The following CACNA1C variants were observed in gnomAD, a reference collection of about 807,000 sequenced individuals.
CACNA1C encodes voltage-dependent L-type calcium channel subunit alpha-1C.
In CACNA1C, 30 loss-of-function variants were observed where a neutral mutation model predicts 229.0. The ratio of observed to expected loss-of-function variants is 0.13; its 90% CI spans 0.10 to 0.18. The LOEUF is 0.18. CACNA1C is among the 10% of genes least tolerant of loss of function. CACNA1C has a pLI of 1.00. For synonymous variants in CACNA1C, 1,114 were observed against 1,132.5 expected, an observed-to-expected ratio of 0.98 and a Z score of 0.33; for missense variants, 1,658 against 2,845.0, an observed-to-expected ratio of 0.58 and a Z score of 9.49.
rs200706151 is a variant in CACNA1C, at chr12:2,677,238, G to A, written c.4956+17G>A. 2,481 of 1,612,266 alleles carry A rather than the reference G, an allele frequency of 1.5e-3. No homozygotes were observed. The highest frequency in any genetic ancestry group is 2.0e-3 in the Non-Finnish European group (2,313 of 1,179,172). The stretch of plus-strand genomic sequence containing the variant: ...TCTCTGCAGGTGAGGGCCTGGGGGC[G>A]GGCCCACACTCCAGGAAGGTCCTGG... On this transcript the variant is annotated intron_variant, in intron 40 of 46. Transcript: ENST00000399655. The surrounding 1 kb of genome is among the most constrained non-coding windows in gnomAD (Gnocchi z 7.4).
rs1002155534 is a variant in CACNA1C, at chr12:2,488,381, G to T, written c.916+2119G>T. 6.6e-6 allele frequency among the ~76,000 whole-genome samples: 1 copy of T among 152,148 alleles called. No individual in the cohort carries two copies. The highest frequency in any genetic ancestry group is 1.9e-4 in the East Asian group (1 of 5,178). ...GAAAGCATGGCACGGGGAGGGAGCCGTCCTGAAGGCCATAGCCGTAGGGCC... is the reference window on the plus strand; with the variant it reads ...GAAAGCATGGCACGGGGAGGGAGCCTTCCTGAAGGCCATAGCCGTAGGGCC... On this transcript the variant is annotated intron_variant, in intron 6 of 46. Transcript: ENST00000399655. This position sits in a 1 kb window ranked among gnomAD's most constrained non-coding sequence, Gnocchi z 4.0.
At chr12:2,445,059 C>T (rs1169849638) in intron 3 of CACNA1C, among the ~76,000 whole-genome samples, 3 of 152,188 alleles carry the variant, frequency 2.0e-5, no homozygotes, top group Admixed American at 6.5e-5. Flanking sequence ...AACACCCTCA[C>T]TCCAGCCAAA....
chr12:2,012,615 T>C (rs949786441), intron 1 of CACNA1C, among the ~76,000 whole-genome samples: 2 of 152,236 alleles, frequency 1.3e-5, no homozygotes, highest in Non-Finnish European at 2.9e-5. Context: ...CACAATAGAT[T>C]GGAAGCCCAG....
chr12:2,246,029 C>T (rs186003009), intron 3 of CACNA1C, among the ~76,000 whole-genome samples: 15 of 152,276 alleles, frequency 9.9e-5, no homozygotes, highest in East Asian at 5.8e-4. Flanking sequence ...TAACTTTGTG[C>T]GTGGTACACC....
At chr12:2,394,923 C>G (rs2098545601) in intron 3 of CACNA1C, among the ~76,000 whole-genome samples, 1 of 152,204 alleles carries the variant, frequency 6.6e-6, no homozygotes, top group Non-Finnish European at 1.5e-5. Flanking sequence ...AATTAGGATC[C>G]AAATTCTTCA....
chr12:2,273,281 A>G (rs1370655019), intron 3 of CACNA1C, among the ~76,000 whole-genome samples: 1 of 152,128 alleles, frequency 6.6e-6, no homozygotes, highest in Non-Finnish European at 1.5e-5. Context: ...TACTGTTTTC[A>G]TTTACTGGTA....
chr12:2,162,398 T>C (rs1398081782), intron 3 of CACNA1C, among the ~76,000 whole-genome samples: 1 of 151,814 alleles, frequency 6.6e-6, no homozygotes. Flanking sequence ...GCCTTCCACA[T>C]GGAGGCTGAG....
rs185905422 is a variant in CACNA1C at position 2,027,216 on chromosome 12, G to T, written c.139+56015G>T. 1.6e-3 allele frequency among the ~76,000 whole-genome samples: 249 copies of T among 152,306 alleles called. 1 individual carries two copies. Among genetic ancestry groups the T allele is most frequent in the African/African-American group, 5.4e-3 (225 of 41,574 alleles). Reference sequence around the variant, plus strand: ...TTGGGTGGCATATACCACCCAAATGGCAGAGCAAGGGGGTTTAGGAGAATG... The same window carrying T: ...TTGGGTGGCATATACCACCCAAATGTCAGAGCAAGGGGGTTTAGGAGAATG... On this transcript the variant is annotated intron_variant, in intron 1 of 46. Transcript: ENST00000682462.
intron 11 of CACNA1C, among the ~76,000 whole-genome samples, chr12:2,562,313 G>A (rs765325529): frequency 2.0e-5 from 3 of 152,150 alleles, no homozygotes; most frequent in East Asian, 1.9e-4. Context: ...TCTACATACC[G>A]CAAAGAAAGC....
At chr12:1,992,924 A>G (rs965785428) in intron 1 of CACNA1C, 30 of 572,358 alleles carry the variant, frequency 5.2e-5, no homozygotes, top group Non-Finnish European at 8.0e-5. Flanking sequence ...TCAGGGAGCC[A>G]CCTATGTGTG....
intron 3 of CACNA1C, among the ~76,000 whole-genome samples, chr12:2,303,378 C>T (rs900799348): frequency 5.3e-5 from 8 of 152,132 alleles, no homozygotes; most frequent in African/African-American, 1.2e-4. Context: ...TCCCTCTGTG[C>T]GTCCGTGTTC....
chr12:2,486,373 T>G lies in CACNA1C; in HGVS notation c.916+111T>G. 1.2e-6 allele frequency: 1 copy of G among 822,608 alleles called. No homozygotes were observed. The highest frequency in any genetic ancestry group is 1.9e-6 in the Non-Finnish European group (1 of 536,718). The allele number at this position is 822,608 out of a possible 1,614,324, so 51.0% of individuals were successfully genotyped here. A position where few individuals can be genotyped will look rare whatever the true frequency, so the allele number is the denominator to read the frequency against. ...CCAGCAGAGCCCAGGGAAGGCCCCA[T>G]TCATTCAGACACACACTGGGCATGG... On this transcript the variant is annotated intron_variant, in intron 6 of 46. Coordinates refer to ENST00000399655, the MANE Select transcript of CACNA1C (RefSeq NM_000719.7). This position sits in a 1 kb window ranked among gnomAD's most constrained non-coding sequence, Gnocchi z 4.9.
At chr12:2,231,311 T>A (rs538395291) in intron 3 of CACNA1C, among the ~76,000 whole-genome samples, 7 of 152,354 alleles carry the variant, frequency 4.6e-5, no homozygotes, top group Non-Finnish European at 7.3e-5. Context: ...ATTTCTAACG[T>A]TAAATGGATG....
In CACNA1C at chr12:2,275,405, GCA is replaced by G. The variant is rs569385528; in HGVS notation, c.477+154978_477+154979del. Among the ~76,000 whole-genome samples the G allele has an allele frequency of 2.6e-3, 395 of 152,244 alleles. 1 individual carries two copies. Among genetic ancestry groups the G allele is most frequent in the African/African-American group, 8.9e-3 (370 of 41,544 alleles). On this transcript the variant is annotated intron_variant, in intron 3 of 46. Coordinates refer to ENST00000399655, the MANE Select transcript of CACNA1C (RefSeq NM_000719.7). The surrounding 1 kb of genome is among the most constrained non-coding windows in gnomAD (Gnocchi z 4.1). ...GTGTCTTCCCGGAAGGCTCGTGCCC[GCA>G]CAGATTGTCTGGTGAGCCCGCCAGC...
intron 3 of CACNA1C, among the ~76,000 whole-genome samples, chr12:2,190,811 G>A (rs2097187317): frequency 1.3e-5 from 2 of 152,166 alleles, no homozygotes; most frequent in African/African-American, 2.4e-5. Context: ...TGGCAAGAAG[G>A]GTTATTCAGG....
At chr12:2,195,966 G>A (rs888690436) in intron 3 of CACNA1C, among the ~76,000 whole-genome samples, 2 of 152,356 alleles carry the variant, frequency 1.3e-5, no homozygotes, top group East Asian at 3.9e-4. Flanking sequence ...TGGCAGAGGA[G>A]TGTTCAGATC....
chr12:2,043,876 C>T (rs1385542155), intron 1 of CACNA1C, among the ~76,000 whole-genome samples: 4 of 150,242 alleles, frequency 2.7e-5, no homozygotes, highest in African/African-American at 9.9e-5. Context: ...AGGATGGTCT[C>T]GATCTCCTGA....
chr12:2,343,285 G>A (rs1390093922), intron 3 of CACNA1C, among the ~76,000 whole-genome samples: 1 of 152,238 alleles, frequency 6.6e-6, no homozygotes, highest in Non-Finnish European at 1.5e-5. Context: ...GACAGTGTTT[G>A]AGATTTAGTG....
chr12:2,101,588 A>G (rs1056598908), intron 1 of CACNA1C, among the ~76,000 whole-genome samples: 1 of 152,160 alleles, frequency 6.6e-6, no homozygotes, highest in Non-Finnish European at 1.5e-5. Flanking sequence ...CCTCTGCTGC[A>G]GGGACCACTG....
Sources: allele counts gnomAD v4.1 joint callset (sites outside exome capture counted in the v4.1 genomes callset), GRCh38; gene constraint gnomAD v4.1.1; non-coding constraint Gnocchi (gnomAD v3.1); transcripts MANE v1.5; gene names NCBI Gene and HGNC (gene_info 2026-07-23, HGNC 2026-07-21).